Variants in EPS8 observed in about 807,000 individuals in gnomAD.
The protein encoded by EPS8 is EGFR pathway substrate 8, signaling adaptor, also known as epidermal growth factor receptor kinase substrate 8.
Under a neutral mutation model 103.8 loss-of-function variants are expected in EPS8, and 42 were observed. The ratio of observed to expected loss-of-function variants is 0.40; its 90% CI spans 0.32 to 0.52. The LOEUF (loss-of-function observed/expected upper bound fraction) is 0.52. EPS8 is among the 20% of genes least tolerant of loss of function. The probability of loss-of-function intolerance (pLI) is 0.40; values close to 1 mark genes in which losing one functional copy is unlikely to be tolerated. For missense variants in EPS8, 969 were observed against 1,005.1 expected (o/e 0.96, Z 0.49); for synonymous variants, 344 against 344.6 (o/e 1.00, Z 0.02).
chr12:15,663,137 G>T (rs1391192278), intron 8 of EPS8, among the ~76,000 whole-genome samples: 2 of 152,074 alleles, frequency 1.3e-5, no homozygotes, highest in African/African-American at 2.4e-5. Flanking sequence ...ATAGATAGCT[G>T]CTACCTTGGT....
At position 15,670,979 on chromosome 12, in the gene EPS8, T is replaced by A. The variant is rs1591840149; in HGVS notation, c.137-56A>T. On this transcript the variant is annotated intron_variant, in intron 3 of 20. Transcript: ENST00000281172. ...GTCCCCTAATAGACTGAAGTTCATATGTTGGTATCATGTGGCTATCTCTAA... is the reference window on the plus strand; with the variant it reads ...GTCCCCTAATAGACTGAAGTTCATAAGTTGGTATCATGTGGCTATCTCTAA... The A allele has an allele frequency of 2.6e-5, 33 of 1,294,086 alleles. No individual in the cohort carries two copies. In the East Asian group the frequency reaches 7.7e-4, roughly 30 times the overall value. 80.2% of individuals were successfully genotyped at this position (1,294,086 alleles called of 1,614,324 possible). A position where few individuals can be genotyped will look rare whatever the true frequency, so the allele number is the denominator to read the frequency against.
chr12:15,739,308 GT>G (rs1476199924), intron 1 of EPS8, among the ~76,000 whole-genome samples: 1 of 152,174 alleles, frequency 6.6e-6, no homozygotes, highest in East Asian at 1.9e-4. Context: ...TAAACAGAAG[GT>G]GTGATGATTA....
Position 15,735,980 on chromosome 12 carries a change from G to A in EPS8, c.-21-53008C>T, listed in dbSNP as rs1946763468. Among the ~76,000 whole-genome samples, 1 of 151,970 alleles carries A rather than the reference G, an allele frequency of 6.6e-6. No individual in the cohort carries two copies. Among genetic ancestry groups the A allele is most frequent in the Admixed American group, 6.6e-5 (1 of 15,258 alleles). On this transcript the variant is annotated intron_variant, in intron 1 of 20. Coordinates refer to ENST00000281172, the MANE Select transcript of EPS8 (RefSeq NM_004447.6). The surrounding 1 kb of genome is among the most constrained non-coding windows in gnomAD (Gnocchi z 4.4). ...AGCTCACTGCAGCCTCAACCTCCTG[G>A]GCTCAAGCAATCCTTCCACCTTGGC...
In EPS8 at chr12:15,762,734, T is replaced by C. The variant is rs963573398; in HGVS notation, c.-22+26427A>G. 1.3e-5 allele frequency among the ~76,000 whole-genome samples: 2 copies of C among 152,084 alleles called. No individual in the cohort carries two copies. Among genetic ancestry groups the C allele is most frequent in the Admixed American group, 6.6e-5 (1 of 15,260 alleles). ...AATCTAGAAATAAAAACAATTGAAC[T>C]CATGGAGAGAGAGTATAGAAGGATG... On this transcript the variant is annotated intron_variant, in intron 1 of 20. Coordinates refer to ENST00000281172, the MANE Select transcript of EPS8 (RefSeq NM_004447.6). This position sits in a 1 kb window ranked among gnomAD's most constrained non-coding sequence, Gnocchi z 4.8.
In EPS8 at chr12:15,748,757, A is replaced by G. The variant is rs138080835; in HGVS notation, c.-22+40404T>C. Among the ~76,000 whole-genome samples, 22 of 152,344 alleles carry G rather than the reference A, an allele frequency of 1.4e-4. No individual in the cohort carries two copies. The East Asian group carries it at 3.5e-3, about 24-fold the overall frequency. ...AAAGACAGAATATCCAATGTATAACAGATCTAAGCTTTTTCTCTTTTATTC... is the reference window on the plus strand; with the variant it reads ...AAAGACAGAATATCCAATGTATAACGGATCTAAGCTTTTTCTCTTTTATTC... On this transcript the variant is annotated intron_variant, in intron 1 of 20. Coordinates refer to ENST00000281172, the MANE Select transcript of EPS8 (RefSeq NM_004447.6). The surrounding 1 kb of genome is among the most constrained non-coding windows in gnomAD (Gnocchi z 4.8).
intron 1 of EPS8, among the ~76,000 whole-genome samples, chr12:15,703,148 AAAAAATAAAT>A (rs1338713776): frequency 2.0e-5 from 3 of 152,236 alleles, no homozygotes; most frequent in Non-Finnish European, 4.4e-5. Context: ...ACTCCGTCTC[AAAAAATAAAT>A]AAAAATAAAA....
intron 1 of EPS8, among the ~76,000 whole-genome samples, chr12:15,723,842 C>T (rs900571798): frequency 1.3e-5 from 2 of 152,006 alleles, no homozygotes; most frequent in African/African-American, 2.4e-5. Flanking sequence ...TGAAGTTTAC[C>T]CACTAACCTC....
In EPS8 at chr12:15,781,284, C is replaced by T. The variant is rs1947258384; in HGVS notation, c.-22+7877G>A. On this transcript the variant is annotated intron_variant, in intron 1 of 20. Transcript: ENST00000281172. The surrounding 1 kb of genome is among the most constrained non-coding windows in gnomAD (Gnocchi z 4.1). ...TTGTTTGGCACAGTAGTAATTTGAG[C>T]AAGTATATAGCACAGTATTAAATAA... Among the ~76,000 whole-genome samples the T allele has an allele frequency of 6.6e-6, 1 of 152,094 alleles. No individual in the cohort carries two copies. The highest frequency in any genetic ancestry group is 1.5e-5 in the Non-Finnish European group (1 of 68,028).
rs942541957 is a variant in EPS8 at position 15,767,433 on chromosome 12, A to C, written c.-22+21728T>G. 6.6e-6 allele frequency among the ~76,000 whole-genome samples: 1 copy of C among 152,200 alleles called. No homozygotes were observed. Among genetic ancestry groups the C allele is most frequent in the African/African-American group, 2.4e-5 (1 of 41,448 alleles). On this transcript the variant is annotated intron_variant, in intron 1 of 20. Coordinates refer to ENST00000281172, the MANE Select transcript of EPS8 (RefSeq NM_004447.6). The surrounding 1 kb of genome is among the most constrained non-coding windows in gnomAD (Gnocchi z 5.5). Reference sequence around the variant, plus strand: ...ATTCTAAAGCCACAACAGGTTGCACACAGAAAAAAGCCGTTAAATGACACA... The same window carrying C: ...ATTCTAAAGCCACAACAGGTTGCACCCAGAAAAAAGCCGTTAAATGACACA...
At chr12:15,670,994 G>T in intron 3 of EPS8, 71 bp from the exon 4 acceptor site, 1 of 1,120,454 alleles carries the variant, frequency 8.9e-7, no homozygotes. Flanking sequence ...GTATCATGTG[G>T]CTATCTCTAA....
At chr12:15,782,458 C>T (rs369678069) in intron 1 of EPS8, among the ~76,000 whole-genome samples, 18 of 152,190 alleles carry the variant, frequency 1.2e-4, no homozygotes, top group African/African-American at 3.9e-4. Context: ...CCCAAGATGG[C>T]GCCACTGCAC....
chr12:15,769,037 T>C lies in EPS8; in HGVS notation c.-22+20124A>G, dbSNP rs1408503621. The stretch of plus-strand genomic sequence containing the variant: ...GCGCTGGCAAACAGTTCTTATCAGA[T>C]ATTTAAATCTTTGTGAACAGACAGC... On this transcript the variant is annotated intron_variant, in intron 1 of 20. Coordinates refer to ENST00000281172, the MANE Select transcript of EPS8 (RefSeq NM_004447.6). This position sits in a 1 kb window ranked among gnomAD's most constrained non-coding sequence, Gnocchi z 4.6. Among the ~76,000 whole-genome samples, 1 of 152,220 alleles carries C rather than the reference T, an allele frequency of 6.6e-6. No homozygotes were observed. The highest frequency in any genetic ancestry group is 2.4e-5 in the African/African-American group (1 of 41,474).
chr12:15,746,619 G>A (rs1370123412), intron 1 of EPS8, among the ~76,000 whole-genome samples: 1 of 152,070 alleles, frequency 6.6e-6, no homozygotes, highest in African/African-American at 2.4e-5. Flanking sequence ...ACATGAGATC[G>A]TATAACAGAA....
intron 12 of EPS8, among the ~76,000 whole-genome samples, chr12:15,656,274 A>G (rs939772948): frequency 6.6e-6 from 1 of 152,234 alleles, no homozygotes; most frequent in East Asian, 1.9e-4. Flanking sequence ...ATGAACTAGT[A>G]TCAGTTTCTT....
At chr12:15,755,899 C>T (rs368191284) in intron 1 of EPS8, among the ~76,000 whole-genome samples, 2 of 152,142 alleles carry the variant, frequency 1.3e-5, no homozygotes, top group East Asian at 1.9e-4. Context: ...AGCTTCCTAT[C>T]GCAACTTGCC....
Position 15,666,503 on chromosome 12 carries a change from T to C in EPS8, c.536A>G (p.Asp179Gly). 1.2e-6 allele frequency: 2 copies of C among 1,613,876 alleles called. No individual in the cohort carries two copies. Among genetic ancestry groups the C allele is most frequent in the South Asian group, 2.2e-5 (2 of 91,072 alleles). Residue 179 changes from aspartate to glycine, a missense_variant, in exon 7 of 21, where the codon GAT becomes GGT. Transcript: ENST00000281172. The stretch of plus-strand genomic sequence containing the variant: ...ACTGTCACTGATTGCACTTTCAATA[T>C]CTTCACTAATTAGGTTTGCCTGCAA... ...DEVKANLISEDIESAISDSKG... is the reference protein window; with the variant it reads ...DEVKANLISEGIESAISDSKG...
intron 1 of EPS8, among the ~76,000 whole-genome samples, chr12:15,741,749 C>T (rs1181150680): frequency 1.3e-5 from 2 of 152,050 alleles, no homozygotes; most frequent in Non-Finnish European, 2.9e-5. Context: ...TTCTAGGGTA[C>T]ATGTGCACAA....
chr12:15,662,914 G>T (rs931186488), intron 8 of EPS8, among the ~76,000 whole-genome samples: 2 of 149,454 alleles, frequency 1.3e-5, no homozygotes, highest in African/African-American at 4.9e-5. Flanking sequence ...ATGTTCAATA[G>T]AGAGAACTGC....
rs888970930 is a variant in EPS8, at chr12:15,690,347, C to T, written c.-21-7375G>A. ...CTTAATTGTTAAACCACATGGGACT[C>T]TTTAAAAAGCATAAGAATTCTATTT... On this transcript the variant is annotated intron_variant, in intron 1 of 20. Coordinates refer to ENST00000281172, the MANE Select transcript of EPS8 (RefSeq NM_004447.6). The surrounding 1 kb of genome is among the most constrained non-coding windows in gnomAD (Gnocchi z 4.7). Among the ~76,000 whole-genome samples, 1 of 152,162 alleles carries T rather than the reference C, an allele frequency of 6.6e-6. No individual in the cohort carries two copies. Among genetic ancestry groups the T allele is most frequent in the Non-Finnish European group, 1.5e-5 (1 of 68,014 alleles).
Sources: allele counts gnomAD v4.1 joint callset (sites outside exome capture counted in the v4.1 genomes callset), GRCh38; gene constraint gnomAD v4.1.1; non-coding constraint Gnocchi (gnomAD v3.1); transcripts MANE v1.5; gene names NCBI Gene and HGNC (gene_info 2026-07-23, HGNC 2026-07-21).